Variants in OTOG observed in about 807,000 individuals in gnomAD.
The protein encoded by OTOG is otogelin.
A neutral mutation model predicts 313.8 loss-of-function variants in OTOG; 296 were observed. That is an observed-to-expected ratio of 0.94 (90% confidence interval 0.86 to 1.04). OTOG has a LOEUF of 1.04. Ranked by LOEUF, OTOG falls within the 50% of genes least tolerant of loss-of-function variation. The pLI, the probability that OTOG is intolerant of heterozygous loss-of-function variation, is 0.00. For missense variants in OTOG, 3,948 were observed against 3,840.1 expected (o/e 1.03, Z -0.74); for synonymous variants, 1,533 against 1,554.9 (o/e 0.99, Z 0.33).
chr11:17,620,114 G>A (rs916731743), intron 39 of OTOG, among the ~76,000 whole-genome samples: 1 of 152,076 alleles, frequency 6.6e-6, no homozygotes, highest in African/African-American at 2.4e-5. Flanking sequence ...ATAAAATTAA[G>A]CATTTTAAAG....
chr11:17,561,564 G>A, intron 14 of OTOG, 98 bp from the exon 15 acceptor site: 2 of 1,283,904 alleles, frequency 1.6e-6, no homozygotes, highest in Admixed American at 4.0e-5. Context: ...TCTTATTCTG[G>A]AGGGCAGGGT....
In OTOG at chr11:17,610,249, C is replaced by A. The variant is rs1481227901; in HGVS notation, c.4949C>A (p.Ser1650Tyr). ...TASPSSRPVA[S>Y]PGAISRSPTS... is the part of the protein sequence containing the mutation. Reference sequence around the variant, plus strand: ...AGTCCCTCCTCCAGACCTGTGGCTTCCCCTGGAGCCATCTCCAGGTCCCCC... The same window carrying A: ...AGTCCCTCCTCCAGACCTGTGGCTTACCCTGGAGCCATCTCCAGGTCCCCC... Residue 1650 changes from serine (S) to tyrosine (Y), a missense_variant, in exon 36 of 56, where the codon TCC (serine) becomes TAC (tyrosine). Ser to Tyr is a moderately radical substitution (Grantham distance 144). Transcript: ENST00000399397. 6.4e-7 allele frequency: 1 copy of A among 1,550,560 alleles called. No individual in the cohort carries two copies. The highest frequency in any genetic ancestry group is 2.0e-5 in the Admixed American group (1 of 50,994).
chr11:17,597,112 T>G lies in OTOG; in HGVS notation c.3682+105T>G, dbSNP rs1853130658. The G allele has an allele frequency of 2.2e-6, 3 of 1,387,268 alleles. No homozygotes were observed. The South Asian group carries it at 4.4e-5, about 20-fold the overall frequency. The allele number at this position is 1,387,268 out of a possible 1,614,324, so 85.9% of individuals were successfully genotyped here. The stretch of plus-strand genomic sequence containing the variant: ...TCTAGCATTTACTGAGTACTTAGAA[T>G]GTACCAAGCACCAACTGCTTTGGGC... On this transcript the variant is annotated intron_variant, in intron 30 of 55. Transcript: ENST00000399397.
At chr11:17,613,774 G>A (rs1421429975) in intron 39 of OTOG, 73 bp downstream of exon 39, 7 of 1,289,014 alleles carry the variant, frequency 5.4e-6, no homozygotes, top group Non-Finnish European at 7.7e-6. Flanking sequence ...CAGGGGTGGA[G>A]GGGCTGTGAG....
At chr11:17,630,715 T>C (rs11607051) in intron 40 of OTOG, among the ~76,000 whole-genome samples, 5,592 of 152,250 alleles carry the variant, frequency 0.037, 118 homozygotes, top group South Asian at 0.088. Flanking sequence ...TGGAATGTCA[T>C]GGATAGTGCA....
At chr11:17,628,096 A>T (rs1479151245) in intron 39 of OTOG, among the ~76,000 whole-genome samples, 2 of 151,670 alleles carry the variant, frequency 1.3e-5, no homozygotes, top group African/African-American at 4.8e-5. Context: ...CTTTTCTTCT[A>T]CTAATTTTGG....
intron 36 of OTOG, among the ~76,000 whole-genome samples, chr11:17,611,713 G>A (rs544821657): frequency 6.6e-5 from 10 of 152,276 alleles, no homozygotes; most frequent in African/African-American, 2.4e-4. Context: ...GTTCACATGT[G>A]TGAGAAAATA....
Position 17,611,367 on chromosome 11 carries a change from G to C in OTOG, c.6067G>C (p.Gly2023Arg), listed in dbSNP as rs888106032. Residue 2023 changes from glycine to arginine, a missense_variant, in exon 36 of 56, where the codon GGT becomes CGT. Physicochemically the swap from Gly to Arg is moderately radical, Grantham distance 125. Transcript: ENST00000399397. Reference sequence around the variant, plus strand: ...AGCCCCAGCCCTGAGCATCGTAGAGGGTTTGGCGGAGGCTTTGGCAACTAC... The same window carrying C: ...AGCCCCAGCCCTGAGCATCGTAGAGCGTTTGGCGGAGGCTTTGGCAACTAC... ...RSAPALSIVE[G>R]LAEALATTTE... is the part of the protein sequence containing the mutation. The C allele has an allele frequency of 5.8e-6, 9 of 1,545,994 alleles. No homozygotes were observed. The highest frequency in any genetic ancestry group is 2.7e-5 in the African/African-American group (2 of 72,950).
chr11:17,611,241 G>C lies in OTOG; in HGVS notation c.5941G>C (p.Val1981Leu). The C allele has an allele frequency of 6.4e-7, 1 of 1,550,544 alleles. No individual in the cohort carries two copies. Among genetic ancestry groups the C allele is most frequent in the African/African-American group, 1.4e-5 (1 of 73,172 alleles). Residue 1981 changes from valine to leucine, a missense_variant, in exon 36 of 56, where the codon GTT (valine) becomes CTT (leucine). Physicochemically the swap from Val to Leu is conservative, Grantham distance 32 (BLOSUM62 1). Coordinates refer to ENST00000399397, the MANE Select transcript of OTOG (RefSeq NM_001292063.2). ...ARTAPQDSML[V>L]LLPQLAEAHG... ...GACGGCCCCCCAAGACAGCATGCTG[G>C]TTCTGTTGCCTCAGCTGGCTGAGGC... is the stretch of plus-strand genomic sequence containing the variant.
At position 17,634,166 on chromosome 11, in the gene OTOG, C is replaced by G; in HGVS notation, c.7365C>G (p.Thr2455=). 1.3e-6 allele frequency: 2 copies of G among 1,550,212 alleles called. No homozygotes were observed. Among genetic ancestry groups the G allele is most frequent in the Non-Finnish European group, 1.7e-6 (2 of 1,146,950 alleles). ...CCQHQCQAPD[T]IVPVDLGCPS... is the part of the protein sequence containing the mutation. ...AGCACCAGTGCCAAGCCCCAGACACCATTGTCCCGGTGGATCTGGGCTGCC... is the reference window on the plus strand; with the variant it reads ...AGCACCAGTGCCAAGCCCCAGACACGATTGTCCCGGTGGATCTGGGCTGCC... The change falls in exon 44 of 56, where the codon ACC becomes ACG. Residue 2455 remains threonine, a synonymous_variant. Transcript: ENST00000399397.
chr11:17,559,909 G>GAAAGAAGGAGGGGAGGAAGAA (rs371913412), intron 12 of OTOG, among the ~76,000 whole-genome samples: 2 of 148,704 alleles, frequency 1.3e-5, no homozygotes, highest in African/African-American at 5.1e-5. Context: ...AGGGAGGAAG[G>GAAAGAAGGAGGGGAGGAAGAA]AAGGAAAGAA....
In OTOG at chr11:17,610,217, G is replaced by C; in HGVS notation, c.4917G>C (p.Leu1639Phe). ...GGACGACACCCCCACAGCCCTCCTT[G>C]ACAGCAAGTCCCTCCTCCAGACCTG... The part of the protein sequence containing the change: ...PVRTTPPQPS[L>F]TASPSSRPVA... Residue 1639 changes from leucine to phenylalanine, a missense_variant, in exon 36 of 56, where the codon TTG becomes TTC. Leu to Phe is a conservative substitution (Grantham distance 22). Transcript: ENST00000399397. 1 of 1,550,394 alleles carries C rather than the reference G, an allele frequency of 6.4e-7. No homozygotes were observed. The highest frequency in any genetic ancestry group is 8.7e-7 in the Non-Finnish European group (1 of 1,146,870).
chr11:17,551,473 C>A (rs542297126), intron 3 of OTOG, among the ~76,000 whole-genome samples: 22 of 152,104 alleles, frequency 1.4e-4, no homozygotes, highest in African/African-American at 5.3e-4. Context: ...GTTGTGAGGA[C>A]AGTGGGTGTT....
In OTOG at chr11:17,579,983, CA is replaced by C. The variant is rs1306774117; in HGVS notation, c.2759+1458del. Among the ~76,000 whole-genome samples the C allele has an allele frequency of 2.0e-5, 3 of 152,314 alleles. No individual in the cohort carries two copies. The East Asian group carries it at 5.8e-4, about 29-fold the overall frequency. The stretch of plus-strand genomic sequence containing the variant: ...ACAGTCTCAATTTGTAAGGGAAGGG[CA>C]GGCATTTCCTACCATCCTGGAACAT... On this transcript the variant is annotated intron_variant, in intron 23 of 55. Coordinates refer to ENST00000399397, the MANE Select transcript of OTOG (RefSeq NM_001292063.2).
chr11:17,575,024 A>G (rs539644828), intron 20 of OTOG, 112 bp downstream of exon 20: 2 of 1,109,896 alleles, frequency 1.8e-6, no homozygotes, highest in South Asian at 3.4e-5. Context: ...CCTTCCCCTC[A>G]CAGTTGCAGG....
At chr11:17,570,116 C>T (rs539656859) in intron 16 of OTOG, 97 bp from the exon 17 acceptor site, 8 of 1,140,532 alleles carry the variant, frequency 7.0e-6, no homozygotes, top group East Asian at 5.2e-5. Context: ...AAGACTGGGC[C>T]GGGCGTGGGA....
intron 24 of OTOG, among the ~76,000 whole-genome samples, chr11:17,587,385 C>T (rs1375971405): frequency 6.6e-6 from 1 of 152,140 alleles, no homozygotes. Context: ...GATGAATGTG[C>T]CCTGATGCTG....
At chr11:17,564,518 A>T (rs1388033968) in intron 15 of OTOG, among the ~76,000 whole-genome samples, 1 of 152,176 alleles carries the variant, frequency 6.6e-6, no homozygotes, top group African/African-American at 2.4e-5. Context: ...ATATTCCAGG[A>T]TCCATTAAAG....
rs867612509 is a variant in OTOG at position 17,560,780 on chromosome 11, C to T, written c.1414C>T (p.Pro472Ser). 3 of 1,550,642 alleles carry T rather than the reference C, an allele frequency of 1.9e-6. No homozygotes were observed. The highest frequency in any genetic ancestry group is 2.7e-5 in the African/African-American group (2 of 73,016). ...CPCEFHGTLY[P>S]PGSVVKEDCN... ...CTGTGAGTTTCACGGGACTCTGTAC[C>T]CACCTGGCTCTGTGGTGAAGGAAGA... The change falls in exon 13 of 56, where the codon CCA (proline) becomes TCA (serine). Residue 472 changes from proline (P) to serine (S), a missense_variant. Physicochemically the swap from Pro to Ser is moderately conservative, Grantham distance 74 (BLOSUM62 -1). Coordinates refer to ENST00000399397, the MANE Select transcript of OTOG (RefSeq NM_001292063.2).
Sources: allele counts gnomAD v4.1 joint callset (sites outside exome capture counted in the v4.1 genomes callset), GRCh38; gene constraint gnomAD v4.1.1; transcripts MANE v1.5; gene names NCBI Gene and HGNC (gene_info 2026-07-23, HGNC 2026-07-21).